The following ETV5 variants were observed in gnomAD, a reference collection of about 807,000 sequenced individuals.
ETV5 encodes the protein ETS translocation variant 5.
In ETV5, 10 loss-of-function variants were observed where a neutral mutation model predicts 70.0. That is an observed-to-expected ratio of 0.14 (90% CI 0.09 to 0.24). The LOEUF is 0.24. Ranked by LOEUF, ETV5 falls within the 10% of genes least tolerant of loss-of-function variation. The probability of loss-of-function intolerance (pLI) is 1.00; values close to 1 mark genes in which losing one functional copy is unlikely to be tolerated. For missense variants in ETV5, 453 were observed against 651.2 expected (o/e 0.70, Z 3.31); for synonymous variants, 216 against 242.2 (o/e 0.89, Z 1.01).
At chr3:186,104,928 G>C (rs1714551574) in intron 5 of ETV5, 1 of 158,884 alleles carries the variant, frequency 6.3e-6, no homozygotes, top group African/African-American at 2.4e-5. Context: ...TTTTAGTAGA[G>C]ACGGGGTTTC....
chr3:186,083,302 G>A (rs982725726), intron 5 of ETV5, among the ~76,000 whole-genome samples: 9 of 152,132 alleles, frequency 5.9e-5, no homozygotes, highest in East Asian at 3.8e-4. Flanking sequence ...TCCTTGAAAC[G>A]TCTACTTTTC....
chr3:186,102,174 A>G (rs1714475855), intron 5 of ETV5, among the ~76,000 whole-genome samples: 1 of 152,224 alleles, frequency 6.6e-6, no homozygotes, highest in African/African-American at 2.4e-5. Flanking sequence ...TTAGAGAAAA[A>G]AAAAAGCCAT....
At chr3:186,063,446 C>T (rs969499776) in intron 9 of ETV5, among the ~76,000 whole-genome samples, 2 of 152,326 alleles carry the variant, frequency 1.3e-5, no homozygotes, top group African/African-American at 2.4e-5. Flanking sequence ...GGCAAAGTCA[C>T]AGGCTCAACC....
intron 12 of ETV5, among the ~76,000 whole-genome samples, chr3:186,049,407 G>A (rs545352986): frequency 3.3e-5 from 5 of 152,288 alleles, no homozygotes; most frequent in African/African-American, 7.2e-5. Flanking sequence ...TGAGGGAACC[G>A]CTAACTACCT....
At chr3:186,079,214 A>G (rs1713871466) in intron 7 of ETV5, 2 of 460,044 alleles carry the variant, frequency 4.3e-6, no homozygotes, top group African/African-American at 4.1e-5. Context: ...GGTTCCCTTC[A>G]CACACTTTTT....
At position 186,054,702 on chromosome 3, in the gene ETV5, C is replaced by T. The variant is rs192257617; in HGVS notation, c.1209+2373G>A. Among the ~76,000 whole-genome samples the T allele has an allele frequency of 3.9e-5, 6 of 152,258 alleles. No homozygotes were observed. The highest frequency in any genetic ancestry group is 7.4e-5 in the Non-Finnish European group (5 of 68,018). On this transcript the variant is annotated intron_variant, in intron 11 of 12. Transcript: ENST00000306376. The surrounding 1 kb of genome is among the most constrained non-coding windows in gnomAD (Gnocchi z 4.4). Reference sequence around the variant, plus strand: ...ATTACGTCCCAACAGCTTCCTCCTCCGCTTCACCCTTCAAGCTCCCCCATG... The same window carrying T: ...ATTACGTCCCAACAGCTTCCTCCTCTGCTTCACCCTTCAAGCTCCCCCATG...
At chr3:186,104,500 G>T (rs968767231) in intron 5 of ETV5, among the ~76,000 whole-genome samples, 1 of 152,172 alleles carries the variant, frequency 6.6e-6, no homozygotes. Flanking sequence ...CAGCTTAGGG[G>T]TAGAGACAAA....
At chr3:186,076,110 G>T (rs144494400) in intron 7 of ETV5, among the ~76,000 whole-genome samples, 1 of 152,282 alleles carries the variant, frequency 6.6e-6, no homozygotes, top group African/African-American at 2.4e-5. Context: ...GGTCTTTCAG[G>T]ATAAGTGGCA....
intron 9 of ETV5, 79 bp downstream of exon 9, chr3:186,064,338 G>C: frequency 7.4e-7 from 1 of 1,358,278 alleles, no homozygotes; most frequent in South Asian, 1.2e-5. Context: ...AGGAAGGTAG[G>C]AGAAAGAAAA....
intron 7 of ETV5, among the ~76,000 whole-genome samples, chr3:186,074,733 G>A (rs1037341908): frequency 2.6e-5 from 4 of 151,916 alleles, no homozygotes; most frequent in Non-Finnish European, 4.4e-5. Context: ...GGCCAACATG[G>A]TGAAACCTTG....
At chr3:186,055,026 C>T (rs1713123282) in intron 11 of ETV5, among the ~76,000 whole-genome samples, 1 of 152,222 alleles carries the variant, frequency 6.6e-6, no homozygotes, top group South Asian at 2.1e-4. Flanking sequence ...ACTTGGCTGC[C>T]TGGCATTTAC....
chr3:186,082,390 T>C (rs1359348333), intron 5 of ETV5, among the ~76,000 whole-genome samples: 1 of 152,124 alleles, frequency 6.6e-6, no homozygotes, highest in Non-Finnish European at 1.5e-5. Context: ...TTAGTAATTA[T>C]ACGAGGTAGA....
intron 5 of ETV5, among the ~76,000 whole-genome samples, chr3:186,092,163 A>G (rs1385942133): frequency 3.3e-5 from 5 of 152,250 alleles, no homozygotes; most frequent in African/African-American, 1.2e-4. Flanking sequence ...GTGGTGGCAG[A>G]AACACAATTA....
chr3:186,103,054 A>G (rs1011844541), intron 5 of ETV5, among the ~76,000 whole-genome samples: 11 of 152,218 alleles, frequency 7.2e-5, no homozygotes, highest in Admixed American at 3.9e-4. Flanking sequence ...CAAGAAATAA[A>G]GTCAGAGGGA....
chr3:186,094,141 T>C (rs1257307450), intron 5 of ETV5, among the ~76,000 whole-genome samples: 1 of 152,226 alleles, frequency 6.6e-6, no homozygotes, highest in Non-Finnish European at 1.5e-5. Flanking sequence ...AAGATTTCTA[T>C]TCTAACTCTG....
At chr3:186,063,810 G>T (rs1323116762) in intron 9 of ETV5, among the ~76,000 whole-genome samples, 1 of 152,052 alleles carries the variant, frequency 6.6e-6, no homozygotes, top group East Asian at 1.9e-4. Context: ...CTCAAGGTTG[G>T]TGAAGAATAC....
At chr3:186,066,962 C>A (rs1449332695) in intron 7 of ETV5, among the ~76,000 whole-genome samples, 2 of 152,168 alleles carry the variant, frequency 1.3e-5, no homozygotes, top group Non-Finnish European at 2.9e-5. Context: ...TATACAGATA[C>A]CAAAATAAAT....
At chr3:186,088,364 G>A (rs1714105698) in intron 5 of ETV5, among the ~76,000 whole-genome samples, 1 of 152,138 alleles carries the variant, frequency 6.6e-6, no homozygotes, top group African/African-American at 2.4e-5. Context: ...AATATGATGT[G>A]GAATGTACAC....
chr3:186,098,523 C>G (rs1714368503), intron 5 of ETV5, among the ~76,000 whole-genome samples: 1 of 152,124 alleles, frequency 6.6e-6, no homozygotes, highest in Non-Finnish European at 1.5e-5. Flanking sequence ...TGGATCCAGC[C>G]TGAAGAGTTC....
Sources: allele counts gnomAD v4.1 joint callset (sites outside exome capture counted in the v4.1 genomes callset), GRCh38; gene constraint gnomAD v4.1.1; non-coding constraint Gnocchi (gnomAD v3.1); transcripts MANE v1.5; gene names NCBI Gene and HGNC (gene_info 2026-07-23, HGNC 2026-07-21).